The following GRIA1 variants were observed in gnomAD, a reference collection of about 807,000 sequenced individuals.
GRIA1 encodes glutamate ionotropic receptor AMPA type subunit 1.
GRIA1 carries 31 observed loss-of-function variants against 99.2 expected under a neutral mutation model. The observed-to-expected ratio is 0.31, with a 90% CI of 0.23 to 0.42. The LOEUF is 0.42. Among genes scored for constraint, GRIA1 ranks in the 10% least tolerant of loss-of-function variants. GRIA1 has a pLI of 1.00. For synonymous variants in GRIA1, 438 were observed against 432.4 expected (o/e 1.01, Z -0.16); for missense variants, 782 against 1,157.5 (o/e 0.68, Z 4.71).
chr5:153,526,848 T>C (rs1757646131), intron 2 of GRIA1, among the ~76,000 whole-genome samples: 3 of 152,208 alleles, frequency 2.0e-5, no homozygotes, highest in Admixed American at 6.5e-5. Context: ...CAGCCACTTA[T>C]CAGCTTCATG....
chr5:153,540,747 A>T (rs1759001376), intron 2 of GRIA1, among the ~76,000 whole-genome samples: 1 of 152,146 alleles, frequency 6.6e-6, no homozygotes, highest in Non-Finnish European at 1.5e-5. Context: ...GTAAAGCGAT[A>T]AAGACTAGCA....
At chr5:153,699,608 GTTTC>G (rs1397972044) in intron 10 of GRIA1, among the ~76,000 whole-genome samples, 3 of 152,000 alleles carry the variant, frequency 2.0e-5, no homozygotes, top group African/African-American at 4.8e-5. Context: ...TTCAGGGTGT[GTTTC>G]TTTCTTTCTT....
At chr5:153,733,796 T>C (rs1379158745) in intron 11 of GRIA1, among the ~76,000 whole-genome samples, 5 of 152,122 alleles carry the variant, frequency 3.3e-5, no homozygotes, top group African/African-American at 9.7e-5. Flanking sequence ...AAAGGGTACA[T>C]TGATCAAGAG....
chr5:153,789,881 A>ATTG (rs56804040), intron 13 of GRIA1, among the ~76,000 whole-genome samples: 52 of 151,814 alleles, frequency 3.4e-4, no homozygotes, highest in South Asian at 4.2e-4. Flanking sequence ...TCATAATAAT[A>ATTG]TTGTTGTTGT....
intron 2 of GRIA1, among the ~76,000 whole-genome samples, chr5:153,585,143 C>T (rs531369297): frequency 6.6e-6 from 1 of 152,214 alleles, no homozygotes; most frequent in South Asian, 2.1e-4. Context: ...AGTAGTCTCT[C>T]CTGCTGAAAG....
chr5:153,520,657 T>A (rs758992861), intron 2 of GRIA1, among the ~76,000 whole-genome samples: 2 of 152,128 alleles, frequency 1.3e-5, no homozygotes, highest in Non-Finnish European at 2.9e-5. Context: ...GCTCCATAGT[T>A]CTGTTCCTTA....
chr5:153,618,115 G>A (rs901208687), intron 2 of GRIA1, among the ~76,000 whole-genome samples: 36 of 152,174 alleles, frequency 2.4e-4, no homozygotes, highest in African/African-American at 8.0e-4. Flanking sequence ...GCTTAATGTT[G>A]TTAATTTGAC....
chr5:153,798,699 T>C (rs1216374545), intron 14 of GRIA1, among the ~76,000 whole-genome samples: 1 of 152,178 alleles, frequency 6.6e-6, no homozygotes, highest in African/African-American at 2.4e-5. Context: ...TTTCTGCTTA[T>C]TCCATAAAGA....
At chr5:153,691,775 T>C (rs1009370946) in intron 8 of GRIA1, among the ~76,000 whole-genome samples, 2 of 152,152 alleles carry the variant, frequency 1.3e-5, no homozygotes, top group African/African-American at 2.4e-5. Context: ...GCCCAGGCCA[T>C]CTTCCACACA....
At chr5:153,615,928 A>C (rs925521344) in intron 2 of GRIA1, among the ~76,000 whole-genome samples, 9 of 152,180 alleles carry the variant, frequency 5.9e-5, no homozygotes, top group African/African-American at 2.2e-4. Flanking sequence ...AAATGTCTTC[A>C]TCCCTTTATT....
intron 2 of GRIA1, among the ~76,000 whole-genome samples, chr5:153,538,946 T>C (rs1398244050): frequency 2.6e-5 from 4 of 152,238 alleles, no homozygotes; most frequent in Non-Finnish European, 4.4e-5. Context: ...TCCTTCCTCT[T>C]GAAAACTACT....
intron 11 of GRIA1, among the ~76,000 whole-genome samples, chr5:153,739,126 T>C (rs1024637860): frequency 1.0e-3 from 151 of 150,710 alleles, no homozygotes; most frequent in African/African-American, 3.5e-3. Flanking sequence ...CTATTCTCCA[T>C]CCCTTACCAC....
At chr5:153,712,928 C>T (rs879742679) in intron 11 of GRIA1, among the ~76,000 whole-genome samples, 4 of 152,192 alleles carry the variant, frequency 2.6e-5, no homozygotes, top group Non-Finnish European at 5.9e-5. Flanking sequence ...GAAAGTTCTA[C>T]ATGTTTCACA....
intron 2 of GRIA1, among the ~76,000 whole-genome samples, chr5:153,646,675 AG>A (rs1283042868): frequency 6.6e-6 from 1 of 152,220 alleles, no homozygotes; most frequent in Non-Finnish European, 1.5e-5. Context: ...GGATTTACAC[AG>A]ATGAATGAGG....
intron 10 of GRIA1, among the ~76,000 whole-genome samples, chr5:153,702,401 C>T (rs1003912390): frequency 6.6e-6 from 1 of 152,204 alleles, no homozygotes; most frequent in Non-Finnish European, 1.5e-5. Context: ...CCGGGGCCAC[C>T]CCTGTGAAAC....
intron 2 of GRIA1, among the ~76,000 whole-genome samples, chr5:153,524,791 T>A (rs1378564106): frequency 6.6e-6 from 1 of 152,168 alleles, no homozygotes; most frequent in East Asian, 1.9e-4. Context: ...GTTGATGCAT[T>A]GAAAAATACA....
At chr5:153,536,048 C>T (rs1181254324) in intron 2 of GRIA1, among the ~76,000 whole-genome samples, 3 of 152,176 alleles carry the variant, frequency 2.0e-5, no homozygotes, top group Non-Finnish European at 4.4e-5. Flanking sequence ...TTGTTCCACA[C>T]CTGGGGAAAT....
chr5:153,579,600 CA>C (rs1403987320), intron 2 of GRIA1, among the ~76,000 whole-genome samples: 1 of 152,184 alleles, frequency 6.6e-6, no homozygotes, highest in African/African-American at 2.4e-5. Context: ...TTTAGTAATG[CA>C]TATAGATATA....
chr5:153,631,494 A>AAAGTC (rs1752960880), intron 2 of GRIA1, among the ~76,000 whole-genome samples: 1 of 152,256 alleles, frequency 6.6e-6, no homozygotes, highest in Non-Finnish European at 1.5e-5. Flanking sequence ...AGTGCAAAAG[A>AAAGTC]AAGTCTTTTT....
Sources: allele counts gnomAD v4.1 joint callset (sites outside exome capture counted in the v4.1 genomes callset), GRCh38; gene constraint gnomAD v4.1.1; transcripts MANE v1.5; gene names NCBI Gene and HGNC (gene_info 2026-07-23, HGNC 2026-07-21).